The following NFATC1 variants were observed in gnomAD, a reference collection of about 807,000 sequenced individuals.
NFATC1 encodes the protein nuclear factor of activated T-cells, cytoplasmic 1.
Under a neutral mutation model 76.0 loss-of-function variants are expected in NFATC1, and 22 were observed. The ratio of observed to expected loss-of-function variants is 0.29; its 90% CI spans 0.21 to 0.41. The LOEUF (loss-of-function observed/expected upper bound fraction) is 0.41, where lower values mean the gene tolerates loss of function less well. Among genes scored for constraint, NFATC1 ranks in the 10% least tolerant of loss-of-function variants. NFATC1 has a pLI of 1.00. For missense variants in NFATC1, 1,357 were observed against 1,337.7 expected (o/e 1.01, Z -0.23); for synonymous variants, 704 against 613.1 (o/e 1.15, Z -2.19).
At chr18:79,447,865 G>C (rs867987541) in intron 3 of NFATC1, among the ~76,000 whole-genome samples, 1 of 152,268 alleles carries the variant, frequency 6.6e-6, no homozygotes, top group Non-Finnish European at 1.5e-5. Context: ...GTGGTGCAGA[G>C]AAGGAGGGTG....
At chr18:79,513,434 AT>A (rs1412566138) in intron 9 of NFATC1, among the ~76,000 whole-genome samples, 7 of 152,314 alleles carry the variant, frequency 4.6e-5, no homozygotes, top group Admixed American at 4.6e-4. Context: ...TACCCGCGTC[AT>A]CCCCCGAGGC....
At chr18:79,517,405 G>A (rs12958819) in intron 9 of NFATC1, among the ~76,000 whole-genome samples, 24,207 of 152,204 alleles carry the variant, frequency 0.16, 2,473 homozygotes, top group Non-Finnish European at 0.21. Flanking sequence ...GTCCCTCAGA[G>A]GATGGTGGAG....
At chr18:79,515,010 C>T (rs1467817364) in intron 9 of NFATC1, among the ~76,000 whole-genome samples, 1 of 151,870 alleles carries the variant, frequency 6.6e-6, no homozygotes, top group Non-Finnish European at 1.5e-5. Flanking sequence ...TTCCACTGCA[C>T]ACCAGCCTGG....
At chr18:79,412,485 C>CGA (rs2085729419) in intron 2 of NFATC1, among the ~76,000 whole-genome samples, 1 of 149,552 alleles carries the variant, frequency 6.7e-6, no homozygotes, top group African/African-American at 2.5e-5. Context: ...TTTTTATTAG[C>CGA]GAGCACTCAG....
In NFATC1 at chr18:79,411,129, C is replaced by A. The variant is rs371345641; in HGVS notation, c.854C>A (p.Pro285Gln). Residue 285 changes from proline to glutamine, a missense_variant, in exon 2 of 10, where the codon CCG (proline) becomes CAG (glutamine). Pro to Gln is a moderately conservative substitution (Grantham distance 76). This residue lies in a region of NFATC1 where 691 missense variants were observed against 613.1 expected (regional missense o/e 1.13). Transcript: ENST00000427363. ...PPYSPHHSPT[P>Q]SPHGSPRVSV... ...TACTCACCCCACCACTCGCCCACGC[C>A]GTCCCCGCACGGCTCCCCGCGGGTC... 5 of 1,612,234 alleles carry A rather than the reference C, an allele frequency of 3.1e-6. No individual in the cohort carries two copies. In the African/African-American group the frequency reaches 5.3e-5, roughly 17 times the overall value.
chr18:79,426,180 A>G (rs1000279056), intron 2 of NFATC1, among the ~76,000 whole-genome samples: 1 of 152,096 alleles, frequency 6.6e-6, no homozygotes, highest in South Asian at 2.1e-4. Flanking sequence ...GTCTCAGAAA[A>G]AAGAATTCGA....
At chr18:79,462,611 C>G (rs1462221916) in intron 7 of NFATC1, among the ~76,000 whole-genome samples, 1 of 152,186 alleles carries the variant, frequency 6.6e-6, no homozygotes, top group Non-Finnish European at 1.5e-5. Context: ...GCCTGATGTT[C>G]ACTTATTATT....
intron 9 of NFATC1, among the ~76,000 whole-genome samples, chr18:79,511,303 G>A (rs1427095254): frequency 6.6e-6 from 1 of 152,138 alleles, no homozygotes; most frequent in African/African-American, 2.4e-5. Context: ...GCCCGACTCT[G>A]CCTCCCCCCT....
intron 1 of NFATC1, among the ~76,000 whole-genome samples, chr18:79,399,420 C>T (rs2085107387): frequency 6.6e-6 from 1 of 152,198 alleles, no homozygotes; most frequent in Non-Finnish European, 1.5e-5. Context: ...CCCCTCCGCC[C>T]GGGCCGGCTC....
At chr18:79,402,713 T>C (rs2850724) in intron 1 of NFATC1, among the ~76,000 whole-genome samples, 138,696 of 152,298 alleles carry the variant, frequency 0.91, 63,248 homozygotes, top group East Asian at 1. Flanking sequence ...GTATCTCATA[T>C]GTTACGTGTA....
chr18:79,504,461 T>C (rs1174027518), intron 9 of NFATC1, among the ~76,000 whole-genome samples: 1 of 152,178 alleles, frequency 6.6e-6, no homozygotes, highest in Non-Finnish European at 1.5e-5. Context: ...CTCTTATCCA[T>C]TCACTTCATC....
intron 1 of NFATC1, chr18:79,400,189 G>A: frequency 1.7e-6 from 2 of 1,170,590 alleles, no homozygotes; most frequent in Non-Finnish European, 2.1e-6. Flanking sequence ...CGTGTCCGGG[G>A]AGTTTATTTA....
At chr18:79,398,225 A>G (rs549752) in intron 1 of NFATC1, among the ~76,000 whole-genome samples, 61,076 of 152,132 alleles carry the variant, frequency 0.4, 14,032 homozygotes, top group East Asian at 0.65. Context: ...CAGGCCTGTA[A>G]GTAGCCACCC....
intron 2 of NFATC1, among the ~76,000 whole-genome samples, chr18:79,416,957 G>T (rs1216828578): frequency 6.6e-6 from 1 of 152,198 alleles, no homozygotes. Context: ...GGCTGGGCTG[G>T]CTCTGAAGGG....
At chr18:79,436,860 G>A (rs897799338) in intron 3 of NFATC1, among the ~76,000 whole-genome samples, 8 of 152,110 alleles carry the variant, frequency 5.3e-5, no homozygotes, top group Non-Finnish European at 7.4e-5. Context: ...AGCACTGAGC[G>A]TGCCCCCTGC....
At chr18:79,424,674 T>C (rs1052082689) in intron 2 of NFATC1, among the ~76,000 whole-genome samples, 2 of 151,860 alleles carry the variant, frequency 1.3e-5, no homozygotes, top group Admixed American at 1.3e-4. Context: ...TCCATCTCTG[T>C]CTCTGTCCCT....
At chr18:79,523,745 C>T (rs925006886) in intron 9 of NFATC1, among the ~76,000 whole-genome samples, 7 of 152,120 alleles carry the variant, frequency 4.6e-5, no homozygotes, top group Admixed American at 4.6e-4. Flanking sequence ...ACGCCACAGT[C>T]GAGTTTTAGG....
At chr18:79,413,769 C>T (rs1436169828) in intron 2 of NFATC1, among the ~76,000 whole-genome samples, 1 of 152,188 alleles carries the variant, frequency 6.6e-6, no homozygotes, top group African/African-American at 2.4e-5. Context: ...ATGTCGTGTT[C>T]TGGCAGGCAC....
chr18:79,483,393 T>TA (rs1421724353), intron 8 of NFATC1, among the ~76,000 whole-genome samples: 1 of 117,414 alleles, frequency 8.5e-6, no homozygotes, highest in African/African-American at 3.8e-5. Flanking sequence ...GGGGTGTCAT[T>TA]CCGGCATGAC....
Sources: allele counts gnomAD v4.1 joint callset (sites outside exome capture counted in the v4.1 genomes callset), GRCh38; gene constraint gnomAD v4.1.1; regional missense constraint gnomAD v4.1.1; transcripts MANE v1.5; gene names NCBI Gene and HGNC (gene_info 2026-07-23, HGNC 2026-07-21).